The following FHAD1 variants were observed in gnomAD, a reference collection of about 807,000 sequenced individuals.
FHAD1 encodes the protein forkhead associated phosphopeptide binding domain 1, also known as forkhead-associated domain-containing protein 1.
In FHAD1, 146 loss-of-function variants were observed where a neutral mutation model predicts 191.3. That is an observed-to-expected ratio of 0.76 (90% confidence interval 0.67 to 0.88). The LOEUF (loss-of-function observed/expected upper bound fraction) is 0.88. FHAD1 is among the 40% of genes least tolerant of loss of function. The pLI, the probability that FHAD1 is intolerant of heterozygous loss-of-function variation, is 0.00. For missense variants in FHAD1, 1,635 were observed against 1,785.8 expected, an observed-to-expected ratio of 0.92 and a Z score of 1.52; for synonymous variants, 616 against 672.3, an observed-to-expected ratio of 0.92 and a Z score of 1.29.
chr1:15,289,270 G>A lies in FHAD1; in HGVS notation c.301-129G>A, dbSNP rs1053604971. On this transcript the variant is annotated intron_variant, in intron 3 of 33. Coordinates refer to ENST00000688493, the MANE Select transcript of FHAD1 (RefSeq NM_001391957.1). The surrounding 1 kb of genome is among the most constrained non-coding windows in gnomAD (Gnocchi z 4.2). ...CCCAAAGTGTTGGGATTATAGCTGT[G>A]TGCCACCCTGCCCGACCGGAAGTGA... is the stretch of plus-strand genomic sequence containing the variant. The A allele has an allele frequency of 9.3e-6, 12 of 1,294,124 alleles. No homozygotes were observed. The highest frequency in any genetic ancestry group is 1.2e-5 in the Non-Finnish European group (12 of 962,318). 80.2% of individuals were successfully genotyped at this position (1,294,124 alleles called of 1,614,324 possible). A position where few individuals can be genotyped will look rare whatever the true frequency, so the allele number is the denominator to read the frequency against.
rs182251944 is a variant in FHAD1, at chr1:15,375,969, G to A, written c.3705+239G>A. On this transcript the variant is annotated intron_variant, in intron 28 of 33. Coordinates refer to ENST00000688493, the MANE Select transcript of FHAD1 (RefSeq NM_001391957.1). ...GTGTTGACATTGGGCCACGTTAATCGCTGAAGCATGGCGGGCCCCCTTTCC... is the reference window on the plus strand; with the variant it reads ...GTGTTGACATTGGGCCACGTTAATCACTGAAGCATGGCGGGCCCCCTTTCC... Among the ~76,000 whole-genome samples the A allele has an allele frequency of 3.7e-3, 570 of 152,058 alleles. 1 individual carries two copies. Among genetic ancestry groups the A allele is most frequent in the Non-Finnish European group, 4.6e-3 (315 of 67,956 alleles).
At chr1:15,296,459 T>C (rs566608411) in intron 4 of FHAD1, among the ~76,000 whole-genome samples, 1 of 152,282 alleles carries the variant, frequency 6.6e-6, no homozygotes, top group South Asian at 2.1e-4. Context: ...TTCACCATGT[T>C]AGCCAGGATG....
intron 2 of FHAD1, among the ~76,000 whole-genome samples, chr1:15,271,096 AC>A (rs1557964950): frequency 7.1e-6 from 1 of 141,068 alleles, no homozygotes; most frequent in African/African-American, 2.6e-5. Context: ...CTAAGATCGC[AC>A]CACTGCACTC....
chr1:15,339,895 G>C (rs183859481), intron 15 of FHAD1, among the ~76,000 whole-genome samples: 1 of 151,822 alleles, frequency 6.6e-6, no homozygotes, highest in South Asian at 2.1e-4. Flanking sequence ...GTGCAATCTC[G>C]GCTCATTGCA....
chr1:15,380,562 CA>C (rs1335349394), intron 28 of FHAD1, 138 bp from the exon 29 acceptor site: 5 of 650,184 alleles, frequency 7.7e-6, no homozygotes, highest in Admixed American at 2.7e-5. Flanking sequence ...ACAAAGGAAT[CA>C]GACGGAATGA....
At chr1:15,380,824 C>T in intron 29 of FHAD1, 28 bp downstream of exon 29, 1 of 1,539,914 alleles carries the variant, frequency 6.5e-7, no homozygotes, top group Non-Finnish European at 8.8e-7. Flanking sequence ...CCACCCTGCT[C>T]CTATCCAAAG....
intron 14 of FHAD1, among the ~76,000 whole-genome samples, chr1:15,330,560 C>T (rs541748084): frequency 6.6e-6 from 1 of 152,312 alleles, no homozygotes; most frequent in East Asian, 1.9e-4. Flanking sequence ...GGGAAAATCA[C>T]TCGAACAAAC....
chr1:15,240,228 A>G (rs942497771), intron 1 of FHAD1, among the ~76,000 whole-genome samples: 1 of 152,266 alleles, frequency 6.6e-6, no homozygotes, highest in Non-Finnish European at 1.5e-5. Flanking sequence ...AGAAAGGCCC[A>G]CATGGCAAGA....
chr1:15,257,624 G>A (rs1197786994), intron 2 of FHAD1, among the ~76,000 whole-genome samples: 1 of 152,144 alleles, frequency 6.6e-6, no homozygotes, highest in African/African-American at 2.4e-5. Flanking sequence ...AGTCCTCAGG[G>A]AACTCTTCTT....
intron 10 of FHAD1, among the ~76,000 whole-genome samples, chr1:15,321,453 CCTT>C (rs1336392732): frequency 6.6e-6 from 1 of 152,094 alleles, no homozygotes; most frequent in African/African-American, 2.4e-5. Flanking sequence ...ATAATTATGT[CCTT>C]CTTCTTAACA....
In FHAD1 at chr1:15,367,619, T is replaced by A; in HGVS notation, c.3311T>A (p.Leu1104His). 1.0e-6 allele frequency: 1 copy of A among 971,308 alleles called. No homozygotes were observed. Among genetic ancestry groups the A allele is most frequent in the East Asian group, 5.3e-5 (1 of 18,864 alleles). 60.2% of individuals were successfully genotyped at this position (971,308 alleles called of 1,614,324 possible). ...GAGCTGAAGGCCCTTGAGGAGGCAC[T>A]CAGGTTGGGTGGGCGGGGGCCGGGT... Reference protein sequence around the residue: ...DRELKALEEALRASQEKHRLQ... With the variant: ...DRELKALEEAHRASQEKHRLQ... Residue 1104 changes from leucine to histidine, a missense_variant, in exon 25 of 34, where the codon CTC (leucine) becomes CAC (histidine). Physicochemically the swap from Leu to His is moderately conservative, Grantham distance 99. Transcript: ENST00000688493.
At chr1:15,265,481 T>C (rs536487260) in intron 2 of FHAD1, among the ~76,000 whole-genome samples, 1 of 152,304 alleles carries the variant, frequency 6.6e-6, no homozygotes, top group East Asian at 1.9e-4. Flanking sequence ...AGTGGTATTA[T>C]CAGGCAGTCC....
chr1:15,279,957 C>T (rs10927764), intron 3 of FHAD1, among the ~76,000 whole-genome samples: 73,173 of 152,042 alleles, frequency 0.48, 19,320 homozygotes, highest in East Asian at 0.7. Flanking sequence ...AATGAGATTC[C>T]GTGCTAGGAG....
chr1:15,313,332 T>TGGGGG, intron 8 of FHAD1, 145 bp downstream of exon 8: 1 of 13,448 alleles, frequency 7.4e-5, no homozygotes, highest in South Asian at 1.9e-3. Context: ...GGGGGCGGGG[T>TGGGGG]GGTGGGGGGG....
intron 4 of FHAD1, among the ~76,000 whole-genome samples, chr1:15,293,587 A>T (rs143463127): frequency 2.0e-5 from 3 of 151,914 alleles, no homozygotes; most frequent in Admixed American, 6.6e-5. Flanking sequence ...GTGTGGTGGC[A>T]CGCACCTGTA....
Position 15,329,255 on chromosome 1 carries a change from G to A in FHAD1, c.1711-91G>A. 1.9e-6 allele frequency: 2 copies of A among 1,078,714 alleles called. No individual in the cohort carries two copies. The highest frequency in any genetic ancestry group is 2.6e-6 in the Non-Finnish European group (2 of 778,236). The allele number at this position is 1,078,714 out of a possible 1,614,324, so 66.8% of individuals were successfully genotyped here. On this transcript the variant is annotated intron_variant, in intron 13 of 33. Transcript: ENST00000688493. This position sits in a 1 kb window ranked among gnomAD's most constrained non-coding sequence, Gnocchi z 5.0. ...AATACGTGGCGCTGCCTGCTTCGTG[G>A]CAGAGTCAAGAACGCTGTTCCTCGA...
intron 23 of FHAD1, 104 bp from the exon 24 acceptor site, chr1:15,365,723 C>A (rs578059775): frequency 4.2e-6 from 3 of 710,636 alleles, no homozygotes; most frequent in Non-Finnish European, 7.4e-6. Flanking sequence ...TTGCATGGAC[C>A]GTGATTGAGA....
intron 2 of FHAD1, among the ~76,000 whole-genome samples, chr1:15,263,510 C>CTTT (rs771788861): frequency 3.7e-3 from 275 of 75,074 alleles, no homozygotes; most frequent in African/African-American, 6.0e-3. Flanking sequence ...CAGTTTTATT[C>CTTT]TTTTTTTTTT....
rs1427962762 is a variant in FHAD1, at chr1:15,331,294, A to T, written c.1906+1753A>T. On this transcript the variant is annotated intron_variant, in intron 14 of 33. Transcript: ENST00000688493. ...GATGTATCCTCAGCACCCAGAGAGC[A>T]TGTGCCACACAGCGGGGGCCTAATA... is the stretch of plus-strand genomic sequence containing the variant. 2.0e-5 allele frequency among the ~76,000 whole-genome samples: 3 copies of T among 151,950 alleles called. No individual in the cohort carries two copies. The South Asian group carries it at 6.3e-4, about 32-fold the overall frequency.
Sources: gnomAD v4.1 joint callset for allele counts (sites outside exome capture counted in the v4.1 genomes callset) on GRCh38, gnomAD v4.1.1 for gene constraint, Gnocchi (gnomAD v3.1) non-coding constraint, MANE v1.5 for transcripts, NCBI Gene and HGNC (gene_info 2026-07-23, HGNC 2026-07-21) for gene names.